Variants in NAV3 observed in about 807,000 individuals in gnomAD.
NAV3 encodes pore membrane and/or filament interacting like protein 1.
In NAV3, 87 loss-of-function variants were observed where a neutral mutation model predicts 244.7. The ratio of observed to expected loss-of-function variants is 0.36; its 90% confidence interval spans 0.30 to 0.42. The LOEUF is 0.42. Among genes scored for constraint, NAV3 ranks in the 20% least tolerant of loss-of-function variants. The probability of loss-of-function intolerance (pLI) is 1.00; values close to 1 mark genes in which losing one functional copy is unlikely to be tolerated. For synonymous variants in NAV3, 1,126 were observed against 1,042.2 expected (o/e 1.08, Z -1.55); for missense variants, 2,663 against 2,893.3 (o/e 0.92, Z 1.83).
chr12:78,193,964 A>G (rs1209921807), intron 34 of NAV3, among the ~76,000 whole-genome samples: 1 of 151,790 alleles, frequency 6.6e-6, no homozygotes, highest in African/African-American at 2.4e-5. Context: ...TCCCTGGTAA[A>G]TTGCTTTTCA....
intron 2 of NAV3, among the ~76,000 whole-genome samples, chr12:77,776,012 A>G (rs1422950098): frequency 1.3e-5 from 2 of 152,232 alleles, no homozygotes; most frequent in Admixed American, 6.5e-5. Context: ...TTGTCCTCAG[A>G]GCATGGCAAG....
At chr12:77,807,939 G>A (rs1248486251) in intron 2 of NAV3, among the ~76,000 whole-genome samples, 1 of 151,932 alleles carries the variant, frequency 6.6e-6, no homozygotes, top group Non-Finnish European at 1.5e-5. Context: ...TTCAATCTCT[G>A]ATAACTTTTC....
chr12:77,608,197 T>A (rs1870756178), intron 2 of NAV3, among the ~76,000 whole-genome samples: 1 of 152,062 alleles, frequency 6.6e-6, no homozygotes, highest in South Asian at 2.1e-4. Context: ...TTATATTACT[T>A]CCATAAAATC....
rs546033919 is a variant in NAV3, at chr12:78,031,105, T to A, written c.2023+9243T>A. ...TGATACAGAATTCTGAGGAAGTTAG[T>A]CTTGCCAGGGTAAGATGCAGGCTTT... On this transcript the variant is annotated intron_variant, in intron 9 of 39. Coordinates refer to ENST00000397909, the MANE Select transcript of NAV3 (RefSeq NM_001024383.2). 5.3e-5 allele frequency among the ~76,000 whole-genome samples: 8 copies of A among 152,292 alleles called. No homozygotes were observed. The East Asian group carries it at 1.5e-3, about 29-fold the overall frequency.
intron 2 of NAV3, among the ~76,000 whole-genome samples, chr12:77,691,024 CTG>C (rs950970141): frequency 1.3e-5 from 2 of 149,942 alleles, no homozygotes; most frequent in African/African-American, 4.9e-5. Context: ...TTATTTGAAA[CTG>C]TGTCTTTAAC....
intron 2 of NAV3, among the ~76,000 whole-genome samples, chr12:77,682,779 G>A (rs532662240): frequency 2.0e-5 from 3 of 152,046 alleles, no homozygotes; most frequent in South Asian, 2.1e-4. Flanking sequence ...TTTTTCAAAT[G>A]TCTGTTGGCC....
chr12:77,694,314 A>T (rs1355518419), intron 2 of NAV3, among the ~76,000 whole-genome samples: 2 of 151,730 alleles, frequency 1.3e-5, no homozygotes, highest in Non-Finnish European at 2.9e-5. Context: ...AAAAAAAAAA[A>T]TACAAAAAAT....
chr12:78,030,092 G>T (rs995743868), intron 9 of NAV3, among the ~76,000 whole-genome samples: 1 of 152,236 alleles, frequency 6.6e-6, no homozygotes, highest in African/African-American at 2.4e-5. Flanking sequence ...CCATCCCCAA[G>T]ATATCTCATT....
At chr12:78,159,550 TC>T (rs1315948740) in intron 23 of NAV3, among the ~76,000 whole-genome samples, 3 of 151,774 alleles carry the variant, frequency 2.0e-5, no homozygotes, top group African/African-American at 7.3e-5. Context: ...GTACCTGTAA[TC>T]CCAGCTACGC....
At chr12:77,741,898 A>T (rs2079775313) in intron 2 of NAV3, among the ~76,000 whole-genome samples, 1 of 152,122 alleles carries the variant, frequency 6.6e-6, no homozygotes, top group South Asian at 2.1e-4. Flanking sequence ...CCATGGGTAT[A>T]TAATCTCATT....
intron 2 of NAV3, among the ~76,000 whole-genome samples, chr12:77,722,804 G>T (rs1030986858): frequency 1.1e-4 from 16 of 151,932 alleles, no homozygotes; most frequent in African/African-American, 3.9e-4. Flanking sequence ...TTGTTACTTG[G>T]ATATCATGCA....
chr12:78,168,784 C>G lies in NAV3; in HGVS notation c.4899C>G (p.Thr1633=). Residue 1633 remains threonine (T), a synonymous_variant, in exon 24 of 40, where the codon ACC becomes ACG. Coordinates refer to ENST00000397909, the MANE Select transcript of NAV3 (RefSeq NM_001024383.2). ...KESELIELRE[T]IEMLKAQNSA... ...CTGAACTTATAGAACTAAGAGAAAC[C>G]ATTGAAATGCTGAAGGCTCAGAATT... 6.2e-7 allele frequency: 1 copy of G among 1,610,178 alleles called. No individual in the cohort carries two copies. Among genetic ancestry groups the G allele is most frequent in the Non-Finnish European group, 8.5e-7 (1 of 1,177,484 alleles).
Position 77,831,212 on chromosome 12 carries a change from AGAGAGAAAG to A in NAV3, c.-249_-241del, listed in dbSNP as rs1356690118. The A allele has an allele frequency of 4.1e-3, 1,177 of 288,156 alleles. No homozygotes were observed. The highest frequency in any genetic ancestry group is 8.5e-3 in the Middle Eastern group (8 of 936). The allele number at this position is 288,156 out of a possible 1,614,324, so 17.8% of individuals were successfully genotyped here. A position where few individuals can be genotyped will look rare whatever the true frequency, so the allele number is the denominator to read the frequency against. ...GAGAGAGACAGAGAGAGAGAGAGAG[AGAGAGAAAG>A]AGAGAGAGAGAGAGAATGAGAATGA... is the stretch of plus-strand genomic sequence containing the variant. On this transcript the variant is annotated 5_prime_UTR_variant, in exon 1 of 40. Coordinates refer to ENST00000397909, the MANE Select transcript of NAV3 (RefSeq NM_001024383.2).
At chr12:77,878,893 A>G (rs1192941696) in intron 1 of NAV3, among the ~76,000 whole-genome samples, 1 of 152,134 alleles carries the variant, frequency 6.6e-6, no homozygotes, top group Non-Finnish European at 1.5e-5. Context: ...AAATAAACTA[A>G]TCTTCGTACC....
intron 2 of NAV3, among the ~76,000 whole-genome samples, chr12:77,680,249 A>T (rs942149847): frequency 3.9e-5 from 6 of 152,090 alleles, no homozygotes; most frequent in Non-Finnish European, 7.4e-5. Context: ...CATGGGCAGG[A>T]GGGTAAGGGA....
intron 2 of NAV3, among the ~76,000 whole-genome samples, chr12:77,729,399 A>G (rs748191797): frequency 2.6e-5 from 4 of 152,038 alleles, no homozygotes; most frequent in Non-Finnish European, 4.4e-5. Context: ...CTACTTAGAC[A>G]TAGAAGACTG....
At chr12:78,044,280 A>T (rs1881382292) in intron 9 of NAV3, among the ~76,000 whole-genome samples, 1 of 152,138 alleles carries the variant, frequency 6.6e-6, no homozygotes. Flanking sequence ...GTTCTGTTTC[A>T]TTGGTCTATA....
chr12:78,194,421 T>C (rs1959113340), intron 34 of NAV3, among the ~76,000 whole-genome samples: 1 of 152,090 alleles, frequency 6.6e-6, no homozygotes, highest in South Asian at 2.1e-4. Context: ...TCATGGAACA[T>C]AGAATATCTT....
intron 12 of NAV3, among the ~76,000 whole-genome samples, chr12:78,096,826 C>G (rs1204549331): frequency 4.6e-5 from 7 of 152,140 alleles, no homozygotes; most frequent in Admixed American, 1.3e-4. Context: ...CATATCCATT[C>G]TGTTGAGGTT....
Sources: gnomAD v4.1 joint callset for allele counts (sites outside exome capture counted in the v4.1 genomes callset) on GRCh38, gnomAD v4.1.1 for gene constraint, MANE v1.5 for transcripts, NCBI Gene and HGNC (gene_info 2026-07-23, HGNC 2026-07-21) for gene names.